Variants in OSBPL9 observed in about 807,000 individuals in gnomAD.
The protein encoded by OSBPL9 is oxysterol binding protein like 9, also known as oxysterol-binding protein-related protein 9.
A neutral mutation model predicts 106.6 loss-of-function variants in OSBPL9; 40 were observed. The ratio of observed to expected loss-of-function variants is 0.38; its 90% CI spans 0.29 to 0.49. The LOEUF is 0.49. Ranked by LOEUF, OSBPL9 falls within the 20% of genes least tolerant of loss-of-function variation. The pLI is 0.97. For synonymous variants in OSBPL9, 269 were observed against 295.4 expected (o/e 0.91, Z 0.92); for missense variants, 609 against 887.2 (o/e 0.69, Z 3.98).
intron 3 of OSBPL9, among the ~76,000 whole-genome samples, chr1:51,684,510 G>T (rs1172370138): frequency 6.6e-6 from 1 of 152,114 alleles, no homozygotes. Flanking sequence ...ATTTGTATTT[G>T]TCAATTAAGA....
At chr1:51,538,228 G>A in the OSBPL9 span, among the ~76,000 whole-genome samples, 1 of 152,066 alleles carries the variant, frequency 6.6e-6, no homozygotes, top group Non-Finnish European at 1.5e-5. Context: ...GGAGGCAGAG[G>A]TTGCAGTGAG....
chr1:51,524,977 A>C, the OSBPL9 span, among the ~76,000 whole-genome samples: 1 of 152,244 alleles, frequency 6.6e-6, no homozygotes, highest in Non-Finnish European at 1.5e-5. Flanking sequence ...CAAATTAAGA[A>C]GCTTGCCCTA....
intron 3 of OSBPL9, among the ~76,000 whole-genome samples, chr1:51,711,661 T>G (rs1248770611): frequency 3.6e-5 from 4 of 110,078 alleles, no homozygotes; most frequent in African/African-American, 7.3e-5. Flanking sequence ...TCAGACGGGG[T>G]GGTTGCCAGG....
At chr1:51,711,898 G>A (rs1557724471) in intron 3 of OSBPL9, among the ~76,000 whole-genome samples, 3 of 151,202 alleles carry the variant, frequency 2.0e-5, no homozygotes, top group Non-Finnish European at 1.5e-5. Context: ...ATGGGATGGC[G>A]GCCGGGCAGA....
At chr1:51,731,046 TC>T (rs969701572) in intron 4 of OSBPL9, among the ~76,000 whole-genome samples, 4 of 150,342 alleles carry the variant, frequency 2.7e-5, no homozygotes, top group African/African-American at 9.8e-5. Flanking sequence ...ATTGCTTTAC[TC>T]CCCCCCACCT....
At chr1:51,702,957 T>C (rs1018035068) in intron 3 of OSBPL9, among the ~76,000 whole-genome samples, 7 of 152,222 alleles carry the variant, frequency 4.6e-5, no homozygotes, top group African/African-American at 1.7e-4. Context: ...TAGTTGTAGA[T>C]GTGTGGCATT....
chr1:51,538,919 T>G, the OSBPL9 span, among the ~76,000 whole-genome samples: 1 of 152,190 alleles, frequency 6.6e-6, no homozygotes, highest in Admixed American at 6.5e-5. Flanking sequence ...TTCTGCTGAT[T>G]TACTCTCTCT....
At chr1:51,580,892 T>TTATATTTA (rs1645216444) in intron 1 of OSBPL9, among the ~76,000 whole-genome samples, 1 of 70,116 alleles carries the variant, frequency 1.4e-5, no homozygotes, top group African/African-American at 5.5e-5. Flanking sequence ...CTTCTAGCCA[T>TTATATTTA]TATATATATA....
chr1:51,715,151 T>C (rs936528202), intron 4 of OSBPL9, among the ~76,000 whole-genome samples: 8 of 152,212 alleles, frequency 5.3e-5, no homozygotes, highest in African/African-American at 1.9e-4. Flanking sequence ...TAAGGTGACA[T>C]AGGGTATCTT....
intron 6 of OSBPL9, among the ~76,000 whole-genome samples, chr1:51,748,015 T>G (rs992550885): frequency 6.6e-6 from 1 of 152,138 alleles, no homozygotes; most frequent in Middle Eastern, 3.2e-3. Flanking sequence ...GGTCTCGATC[T>G]CCTGACCTCA....
At chr1:51,612,569 T>C (rs1369278645), upstream of OSBPL9, among the ~76,000 whole-genome samples, 1 of 152,224 alleles carries the variant, frequency 6.6e-6, no homozygotes, top group Non-Finnish European at 1.5e-5. Context: ...AGTTTGACAC[T>C]TTGTGTAGAA....
chr1:51,768,991 G>C (rs1673252873), intron 12 of OSBPL9, among the ~76,000 whole-genome samples: 3 of 152,160 alleles, frequency 2.0e-5, no homozygotes, highest in South Asian at 2.1e-4. Flanking sequence ...AAGGACTGCA[G>C]ATGTTTTATT....
chr1:51,705,399 ATTTTTTTTTTTTTTTTTT>A (rs869169566), intron 3 of OSBPL9, among the ~76,000 whole-genome samples: 1 of 40,456 alleles, frequency 2.5e-5, no homozygotes, highest in South Asian at 1.1e-3. Context: ...ATATATATAT[ATTTTTTTTTTTTTTTTTT>A]TTTTTTTTTT....
intron 3 of OSBPL9, among the ~76,000 whole-genome samples, chr1:51,689,079 A>C (rs1654427799): frequency 6.6e-6 from 1 of 152,184 alleles, no homozygotes; most frequent in South Asian, 2.1e-4. Context: ...CCCTGAAGAA[A>C]TATTTGCATA....
chr1:51,583,259 A>C (rs563271969), intron 1 of OSBPL9, among the ~76,000 whole-genome samples: 9 of 152,252 alleles, frequency 5.9e-5, no homozygotes, highest in African/African-American at 1.9e-4. Context: ...ATCCCAGGTG[A>C]GCTACACAGG....
chr1:51,786,970 A>ACTT (rs1168832096), intron 22 of OSBPL9, among the ~76,000 whole-genome samples: 1 of 152,192 alleles, frequency 6.6e-6, no homozygotes, highest in Non-Finnish European at 1.5e-5. Flanking sequence ...CTGAAATGGA[A>ACTT]CTTCTCAGTT....
chr1:51,572,026 G>A, the OSBPL9 span, among the ~76,000 whole-genome samples: 30 of 152,106 alleles, frequency 2.0e-4, no homozygotes, highest in Non-Finnish European at 3.4e-4. Context: ...ACAGCTTCCC[G>A]TGGGTCACAC....
intron 1 of OSBPL9, among the ~76,000 whole-genome samples, chr1:51,577,842 A>G (rs973100574): frequency 6.6e-6 from 1 of 152,196 alleles, no homozygotes; most frequent in Non-Finnish European, 1.5e-5. Context: ...CCCAGTTGTA[A>G]GTAAGTGGGT....
intron 20 of OSBPL9, 162 bp downstream of exon 20, chr1:51,784,744 A>G (rs1478480161): frequency 1.3e-6 from 1 of 799,704 alleles, no homozygotes; most frequent in Non-Finnish European, 1.9e-6. Flanking sequence ...CCCATATCAG[A>G]AGAAGACCTA....
Sources: allele counts gnomAD v4.1 joint callset (sites outside exome capture counted in the v4.1 genomes callset), GRCh38; gene constraint gnomAD v4.1.1; transcripts MANE v1.5; gene names NCBI Gene and HGNC (gene_info 2026-07-23, HGNC 2026-07-21).